CALML4: variants seen among roughly 807,000 people sequenced by gnomAD.
CALML4 encodes the protein calmodulin-like protein 4.
CALML4 carries 16 observed loss-of-function variants against 17.9 expected under a neutral mutation model. The ratio of observed to expected loss-of-function variants is 0.89; its 90% CI spans 0.61 to 1.36. The LOEUF (loss-of-function observed/expected upper bound fraction) is 1.36, where lower values mean the gene tolerates loss of function less well. Ranked by LOEUF, CALML4 falls within the 40% of genes most tolerant of loss-of-function variation. The pLI is 0.00. For missense variants in CALML4, 203 were observed against 194.8 expected, an observed-to-expected ratio of 1.04 and a Z score of -0.25; for synonymous variants, 86 against 71.5, an observed-to-expected ratio of 1.20 and a Z score of -1.02.
intron 4 of CALML4, among the ~76,000 whole-genome samples, chr15:68,196,833 C>G (rs957824395): frequency 6.6e-6 from 1 of 152,220 alleles, no homozygotes; most frequent in African/African-American, 2.4e-5. Context: ...GCTCTGGAAC[C>G]AGGAACCCTG....
At chr15:68,195,698 A>G (rs958448763) in intron 4 of CALML4, among the ~76,000 whole-genome samples, 1 of 152,208 alleles carries the variant, frequency 6.6e-6, no homozygotes, top group Non-Finnish European at 1.5e-5. Context: ...TCGATCACCC[A>G]GAAAAAGGAT....
Position 68,190,952 on chromosome 15 carries a change from T to A in CALML4, c.*3063A>T, listed in dbSNP as rs1239957223. ...AAGTGTCTGAAATGGAGTGAAAATA[T>A]ATCCTAACTAAATTAATGTGGAAAG... On this transcript the variant is annotated 3_prime_UTR_variant, in exon 5 of 5. Coordinates refer to ENST00000467889, the MANE Select transcript of CALML4 (RefSeq NM_033429.3). This position sits in a 1 kb window ranked among gnomAD's most constrained non-coding sequence, Gnocchi z 4.7. 1.3e-5 allele frequency: 2 copies of A among 152,232 alleles called. No individual in the cohort carries two copies. The highest frequency in any genetic ancestry group is 4.8e-5 in the African/African-American group (2 of 41,456). 9.4% of individuals were successfully genotyped at this position (152,232 alleles called of 1,614,324 possible).
At chr15:68,199,379 C>T (rs2093157309) in intron 3 of CALML4, among the ~76,000 whole-genome samples, 162 bp downstream of exon 3, 1 of 152,028 alleles carries the variant, frequency 6.6e-6, no homozygotes. Context: ...TCCAGGAAGC[C>T]CAAGTGAGGT....
chr15:68,201,168 G>C (rs1487915173), intron 2 of CALML4, among the ~76,000 whole-genome samples: 2 of 152,204 alleles, frequency 1.3e-5, no homozygotes, highest in South Asian at 2.1e-4. Context: ...TTTGTGGAGA[G>C]ACTGAGAGGA....
chr15:68,194,186 T>C, intron 4 of CALML4, 74 bp from the exon 5 acceptor site: 1 of 1,147,114 alleles, frequency 8.7e-7, no homozygotes, highest in South Asian at 1.3e-5. Flanking sequence ...TTTTGGGGAC[T>C]GGAGCTCCCC....
In CALML4 at chr15:68,197,366, AG is replaced by A; in HGVS notation, c.364+73del. 6.8e-7 allele frequency: 1 copy of A among 1,468,636 alleles called. No homozygotes were observed. Among genetic ancestry groups the A allele is most frequent in the East Asian group, 2.3e-5 (1 of 44,062 alleles). The allele number at this position is 1,468,636 out of a possible 1,614,324, so 91.0% of individuals were successfully genotyped here. On this transcript the variant is annotated intron_variant, in intron 4 of 4. Transcript: ENST00000467889. The surrounding 1 kb of genome is among the most constrained non-coding windows in gnomAD (Gnocchi z 4.1). ...TGGTCTGTACCACCCTGGTGGCATC[AG>A]CTAGGCTTTGGTGCCCTCCTTCCAA...
In CALML4 at chr15:68,197,795, C is replaced by T; in HGVS notation, c.176-167G>A. On this transcript the variant is annotated intron_variant, in intron 3 of 4. Coordinates refer to ENST00000467889, the MANE Select transcript of CALML4 (RefSeq NM_033429.3). The surrounding 1 kb of genome is among the most constrained non-coding windows in gnomAD (Gnocchi z 4.1). ...AGGATGCATCCCCTCCCACCGAGTT[C>T]CCACGACAGGCCCCTCACTGGACTG... The T allele has an allele frequency of 5.0e-6, 3 of 603,260 alleles. No individual in the cohort carries two copies. The highest frequency in any genetic ancestry group is 8.7e-6 in the Non-Finnish European group (3 of 342,886). 37.4% of individuals were successfully genotyped at this position (603,260 alleles called of 1,614,324 possible).
rs188369358 is a variant in CALML4 at position 68,192,812 on chromosome 15, T to G, written c.*1203A>C. ...AAGCCACAGCCCAGAGAACCCACTT[T>G]TGATACATACATGGATGCAAATCTT... is the stretch of plus-strand genomic sequence containing the variant. On this transcript the variant is annotated 3_prime_UTR_variant, in exon 5 of 5. Coordinates refer to ENST00000467889, the MANE Select transcript of CALML4 (RefSeq NM_033429.3). 6.6e-6 allele frequency: 1 copy of G among 152,408 alleles called. No individual in the cohort carries two copies. Among genetic ancestry groups the G allele is most frequent in the African/African-American group, 2.4e-5 (1 of 41,580 alleles). 9.4% of individuals were successfully genotyped at this position (152,408 alleles called of 1,614,324 possible).
chr15:68,202,643 CTTTTTT>C (rs35347293), intron 2 of CALML4, among the ~76,000 whole-genome samples: 2 of 127,796 alleles, frequency 1.6e-5, no homozygotes, highest in Admixed American at 8.0e-5. Context: ...GTTTTGCCAA[CTTTTTT>C]TTTTTTTTTT....
chr15:68,192,730 A>T lies in CALML4; in HGVS notation c.*1285T>A, dbSNP rs562709945. ...TGTGTCTTGTACATCCTCCCAAAAG[A>T]CACATCCCATTTGATTTGGTTTTCT... On this transcript the variant is annotated 3_prime_UTR_variant, in exon 5 of 5. Transcript: ENST00000467889. The T allele has an allele frequency of 6.6e-6, 1 of 152,240 alleles. No individual in the cohort carries two copies. Among genetic ancestry groups the T allele is most frequent in the East Asian group, 1.9e-4 (1 of 5,182 alleles). 9.4% of individuals were successfully genotyped at this position (152,240 alleles called of 1,614,324 possible).
At chr15:68,203,742 A>C (rs2141130932) in intron 2 of CALML4, among the ~76,000 whole-genome samples, 1 of 152,218 alleles carries the variant, frequency 6.6e-6, no homozygotes, top group Middle Eastern at 3.4e-3. Flanking sequence ...TAGGTGAGAA[A>C]ACCGAGGCTC....
rs1302662685 is a variant in CALML4 at position 68,193,257 on chromosome 15, A to G, written c.*758T>C. 2.6e-5 allele frequency: 4 copies of G among 152,268 alleles called. No individual in the cohort carries two copies. The highest frequency in any genetic ancestry group is 5.9e-5 in the Non-Finnish European group (4 of 68,092). The allele number at this position is 152,268 out of a possible 1,614,324, so 9.4% of individuals were successfully genotyped here. A position where few individuals can be genotyped will look rare whatever the true frequency, so the allele number is the denominator to read the frequency against. On this transcript the variant is annotated 3_prime_UTR_variant, in exon 5 of 5. Coordinates refer to ENST00000467889, the MANE Select transcript of CALML4 (RefSeq NM_033429.3). ...TTCTTGAGCTCTGCAAGGCCAGTCA[A>G]TTTAGCAGCTCACATCTGGTTTCCT...
chr15:68,199,579 G>C lies in CALML4; in HGVS notation c.137C>G (p.Pro46Arg). Residue 46 changes from proline to arginine, a missense_variant, in exon 3 of 5, where the codon CCA becomes CGA. By Grantham distance (103) the Pro-to-Arg change is moderately radical. Transcript: ENST00000467889. ...AMRCLGASPT[P>R]GEVQRHLQTH... ...CTGCAGGTGCCGCTGCACCTCCCCT[G>C]GCGTCGGGCTGGCCCCCAGGCACCT... 6.2e-7 allele frequency: 1 copy of C among 1,613,716 alleles called. No individual in the cohort carries two copies. Among genetic ancestry groups the C allele is most frequent in the East Asian group, 2.2e-5 (1 of 44,804 alleles).
At chr15:68,196,876 A>G (rs2093146568) in intron 4 of CALML4, among the ~76,000 whole-genome samples, 1 of 152,172 alleles carries the variant, frequency 6.6e-6, no homozygotes, top group South Asian at 2.1e-4. Flanking sequence ...TGTCCTGGCA[A>G]AGTTCCCTCT....
At chr15:68,194,396 TTTTTTTA>T (rs1028610639) in intron 4 of CALML4, among the ~76,000 whole-genome samples, 10 of 151,848 alleles carry the variant, frequency 6.6e-5, no homozygotes, top group Non-Finnish European at 1.5e-4. Context: ...TTTTTTTTTT[TTTTTTTA>T]AAACAGTTTC....
At chr15:68,201,502 T>C (rs2093165525) in intron 2 of CALML4, among the ~76,000 whole-genome samples, 1 of 152,210 alleles carries the variant, frequency 6.6e-6, no homozygotes, top group Admixed American at 6.5e-5. Flanking sequence ...CTGTCTGGGT[T>C]TGCCCTTGGG....
chr15:68,205,530 G>A (rs1056699875), upstream of CALML4: 5 of 875,816 alleles, frequency 5.7e-6, no homozygotes, highest in African/African-American at 8.5e-5. This position sits in a 1 kb window ranked among gnomAD's most constrained non-coding sequence, Gnocchi z 4.8. Flanking sequence ...GAAGCAAAGG[G>A]ACAAATGCCA....
In CALML4 at chr15:68,192,474, C is replaced by G. The variant is rs1205781053; in HGVS notation, c.*1541G>C. The G allele has an allele frequency of 6.6e-6, 1 of 152,250 alleles. No homozygotes were observed. The highest frequency in any genetic ancestry group is 2.4e-5 in the African/African-American group (1 of 41,454). 9.4% of individuals were successfully genotyped at this position (152,250 alleles called of 1,614,324 possible). On this transcript the variant is annotated 3_prime_UTR_variant, in exon 5 of 5. Transcript: ENST00000467889. ...GACCTGGGCTTCCCAGCCAGATGGT[C>G]ACAACTTCACCTAGTTGGCATTTGG...
chr15:68,205,582 C>G, upstream of CALML4: 2 of 592,484 alleles, frequency 3.4e-6, no homozygotes, highest in Non-Finnish European at 5.9e-6. The surrounding 1 kb of genome is among the most constrained non-coding windows in gnomAD (Gnocchi z 4.8). Flanking sequence ...AAGGGGTCTT[C>G]TCTCTCTCTC....
Sources: allele counts gnomAD v4.1 joint callset (sites outside exome capture counted in the v4.1 genomes callset), GRCh38; gene constraint gnomAD v4.1.1; non-coding constraint Gnocchi (gnomAD v3.1); transcripts MANE v1.5; gene names NCBI Gene and HGNC (gene_info 2026-07-23, HGNC 2026-07-21).